The following CPPED1 variants were observed in gnomAD, a reference collection of about 807,000 sequenced individuals.
CPPED1 encodes calcineurin like phosphoesterase domain containing 1.
A neutral mutation model predicts 28.0 loss-of-function variants in CPPED1; 28 were observed. That is an observed-to-expected ratio of 1.00 (90% CI 0.74 to 1.37). The LOEUF is 1.37. Among genes scored for constraint, CPPED1 ranks in the 40% most tolerant of loss-of-function variants. The pLI is 0.00. For missense variants in CPPED1, 504 were observed against 416.5 expected (o/e 1.21, Z -1.83); for synonymous variants, 198 against 180.2 (o/e 1.10, Z -0.79).
At chr16:12,749,825 A>G (rs1372284607) in intron 2 of CPPED1, among the ~76,000 whole-genome samples, 7 of 152,142 alleles carry the variant, frequency 4.6e-5, no homozygotes, top group African/African-American at 9.7e-5. Flanking sequence ...CCTGACCTCA[A>G]ATGAGCTGCC....
chr16:12,708,154 T>A (rs1008990263), intron 2 of CPPED1, among the ~76,000 whole-genome samples: 1 of 150,244 alleles, frequency 6.7e-6, no homozygotes, highest in Non-Finnish European at 1.5e-5. Context: ...CTCAAAAAAA[T>A]TATTTATTTA....
At chr16:12,771,118 T>G (rs1285251513) in intron 2 of CPPED1, among the ~76,000 whole-genome samples, 1 of 152,186 alleles carries the variant, frequency 6.6e-6, no homozygotes, top group Non-Finnish European at 1.5e-5. Flanking sequence ...TACAGGAGAC[T>G]AGGATGACAA....
intron 1 of CPPED1, among the ~76,000 whole-genome samples, chr16:12,784,659 G>A (rs1029453398): frequency 6.6e-6 from 1 of 151,920 alleles, no homozygotes; most frequent in African/African-American, 2.4e-5. Context: ...TTCTAGCTGT[G>A]TTTCTACTTT....
chr16:12,693,709 C>T (rs1012055377), intron 3 of CPPED1, among the ~76,000 whole-genome samples: 1 of 152,074 alleles, frequency 6.6e-6, no homozygotes, highest in Non-Finnish European at 1.5e-5. Flanking sequence ...ACGGAATGAG[C>T]GTTTCACTAA....
rs2080084567 is a variant in CPPED1, at chr16:12,712,372, C to T, written c.290-7323G>A. 2.0e-5 allele frequency among the ~76,000 whole-genome samples: 3 copies of T among 152,146 alleles called. No homozygotes were observed. In the South Asian group the frequency reaches 6.2e-4, roughly 31 times the overall value. ...TCCTTTCAGGGGGCAAGTAGAACTC[C>T]TTTCAGGGGGGAATTGGAAATATCC... On this transcript the variant is annotated intron_variant, in intron 2 of 3. Coordinates refer to ENST00000381774, the MANE Select transcript of CPPED1 (RefSeq NM_018340.3).
chr16:12,706,556 GAAAA>G (rs56369967), intron 2 of CPPED1, among the ~76,000 whole-genome samples: 3 of 104,874 alleles, frequency 2.9e-5, no homozygotes, highest in African/African-American at 7.3e-5. Context: ...AATTTTCACC[GAAAA>G]AAAAAAAAAA....
chr16:12,766,223 T>A (rs1254640180), intron 2 of CPPED1, among the ~76,000 whole-genome samples: 1 of 134,340 alleles, frequency 7.4e-6, no homozygotes, highest in Non-Finnish European at 1.6e-5. Context: ...TGAAACCCCA[T>A]CTCTACAAAA....
chr16:12,704,935 G>A lies in CPPED1; in HGVS notation c.404C>T (p.Thr135Met), dbSNP rs758255991. ...GCAGAACTCCTCGACGGTCTCGGCC[G>A]TGGGGGTGTTGCCAATGTCATGGTT... ...SGNHDIGNTP[T>M]AETVEEFCRT... Residue 135 changes from threonine (T) to methionine (M), a missense_variant, in exon 3 of 4, where the codon ACG becomes ATG. Thr to Met is a moderately conservative substitution (Grantham distance 81). Transcript: ENST00000381774. The A allele has an allele frequency of 9.3e-6, 15 of 1,614,058 alleles. No individual in the cohort carries two copies. The highest frequency in any genetic ancestry group is 1.3e-5 in the Non-Finnish European group (15 of 1,180,044).
At chr16:12,722,164 G>C (rs2080144596) in intron 2 of CPPED1, among the ~76,000 whole-genome samples, 1 of 152,128 alleles carries the variant, frequency 6.6e-6, no homozygotes, top group African/African-American at 2.4e-5. Context: ...TTAAATAGCA[G>C]GACAACCTTA....
chr16:12,669,429 T>C (rs2079842694), intron 3 of CPPED1, among the ~76,000 whole-genome samples: 8 of 152,168 alleles, frequency 5.3e-5, no homozygotes, highest in Admixed American at 5.2e-4. Context: ...ACCTTGTGAA[T>C]ATATTAAAAC....
chr16:12,741,775 G>A (rs2080256894), intron 2 of CPPED1, among the ~76,000 whole-genome samples: 1 of 152,168 alleles, frequency 6.6e-6, no homozygotes, highest in East Asian at 1.9e-4. Flanking sequence ...AACTGACCTG[G>A]CGTGGTGGTT....
intron 2 of CPPED1, among the ~76,000 whole-genome samples, chr16:12,719,411 A>G (rs533279697): frequency 6.6e-6 from 1 of 151,308 alleles, no homozygotes; most frequent in South Asian, 2.1e-4. Context: ...AAAAAAGAAC[A>G]GTATGGAGGA....
At chr16:12,787,950 C>A (rs752041469) in intron 1 of CPPED1, among the ~76,000 whole-genome samples, 1 of 152,124 alleles carries the variant, frequency 6.6e-6, no homozygotes, top group South Asian at 2.1e-4. Flanking sequence ...GGGCAGGATC[C>A]GTTTCCAAGC....
chr16:12,690,528 A>G (rs8062237), intron 3 of CPPED1, among the ~76,000 whole-genome samples: 38,919 of 149,862 alleles, frequency 0.26, 8,904 homozygotes, highest in African/African-American at 0.63. Context: ...AAGAAAGAAA[A>G]AAAAAAGGCC....
At chr16:12,692,199 G>A (rs2079967275) in intron 3 of CPPED1, among the ~76,000 whole-genome samples, 1 of 152,032 alleles carries the variant, frequency 6.6e-6, no homozygotes, top group African/African-American at 2.4e-5. Context: ...ACTGACCCTC[G>A]AGGAAGGTGG....
chr16:12,692,679 T>A (rs564341921), intron 3 of CPPED1, among the ~76,000 whole-genome samples: 1 of 152,246 alleles, frequency 6.6e-6, no homozygotes, highest in East Asian at 1.9e-4. Context: ...CCGCTGACAA[T>A]AATGTGAATA....
intron 2 of CPPED1, among the ~76,000 whole-genome samples, chr16:12,730,095 G>C (rs1262002680): frequency 1.3e-5 from 2 of 152,092 alleles, no homozygotes; most frequent in African/African-American, 2.4e-5. Context: ...CTCTTGGCCT[G>C]AAGCAATCCT....
rs1401448062 is a variant in CPPED1 at position 12,670,913 on chromosome 16, C to T, written c.716-5798G>A. On this transcript the variant is annotated intron_variant, in intron 3 of 3. Coordinates refer to ENST00000381774, the MANE Select transcript of CPPED1 (RefSeq NM_018340.3). This position sits in a 1 kb window ranked among gnomAD's most constrained non-coding sequence, Gnocchi z 4.2. ...ACGCCCATGCTGAAGTACAGTGGTG[C>T]GATCTCGGCTCACTGCAAACTCCGC... Among the ~76,000 whole-genome samples, 3 of 152,038 alleles carry T rather than the reference C, an allele frequency of 2.0e-5. No individual in the cohort carries two copies. Among genetic ancestry groups the T allele is most frequent in the African/African-American group, 7.3e-5 (3 of 41,372 alleles).
intron 3 of CPPED1, among the ~76,000 whole-genome samples, chr16:12,680,563 A>G (rs1356269381): frequency 6.6e-6 from 1 of 152,198 alleles, no homozygotes; most frequent in Non-Finnish European, 1.5e-5. Context: ...GAGAGCATCC[A>G]GATTCAGGGG....
Sources: gnomAD v4.1 joint callset for allele counts (sites outside exome capture counted in the v4.1 genomes callset) on GRCh38, gnomAD v4.1.1 for gene constraint, Gnocchi (gnomAD v3.1) non-coding constraint, MANE v1.5 for transcripts, NCBI Gene and HGNC (gene_info 2026-07-23, HGNC 2026-07-21) for gene names.